RSU1: variants seen among roughly 807,000 people sequenced by gnomAD.
RSU1 encodes the protein Ras suppressor protein 1, also known as rsu-1.
RSU1 carries 26 observed loss-of-function variants against 31.1 expected under a neutral mutation model. The ratio of observed to expected loss-of-function variants is 0.84; its 90% CI spans 0.61 to 1.16. The LOEUF is 1.16. Among genes scored for constraint, RSU1 ranks in the 50% most tolerant of loss-of-function variants. The pLI is 0.00. For synonymous variants in RSU1, 164 were observed against 136.3 expected (o/e 1.20, Z -1.41); for missense variants, 320 against 339.1 (o/e 0.94, Z 0.44).
At chr10:16,635,977 T>C (rs12242999) in intron 8 of RSU1, among the ~76,000 whole-genome samples, 51,288 of 152,172 alleles carry the variant, frequency 0.34, 13,842 homozygotes, top group African/African-American at 0.76. Context: ...TCCAGGACAC[T>C]GCGCCCTCTC....
chr10:16,682,439 T>C (rs186077243), intron 8 of RSU1, among the ~76,000 whole-genome samples: 1 of 152,240 alleles, frequency 6.6e-6, no homozygotes, highest in Non-Finnish European at 1.5e-5. Context: ...AAAGATAATA[T>C]TGATTCTTGC....
chr10:16,814,764 A>C (rs1838491283), intron 2 of RSU1, among the ~76,000 whole-genome samples: 1 of 152,254 alleles, frequency 6.6e-6, no homozygotes, highest in Non-Finnish European at 1.5e-5. Flanking sequence ...CTACTTCTTT[A>C]GGAAAATTTA....
intron 7 of RSU1, among the ~76,000 whole-genome samples, chr10:16,717,698 A>G (rs533759657): frequency 1.2e-4 from 19 of 152,220 alleles, no homozygotes; most frequent in Middle Eastern, 6.3e-3. Flanking sequence ...GCACAGACCA[A>G]GGACATAAAC....
At chr10:16,725,150 G>A (rs921626697) in intron 7 of RSU1, among the ~76,000 whole-genome samples, 1 of 152,142 alleles carries the variant, frequency 6.6e-6, no homozygotes, top group African/African-American at 2.4e-5. Flanking sequence ...TGTTATATGC[G>A]CTTTTGTGTA....
At chr10:16,754,848 T>G (rs1233545584) in intron 5 of RSU1, 23 bp downstream of exon 5, 1 of 1,441,740 alleles carries the variant, frequency 6.9e-7, no homozygotes, top group Non-Finnish European at 9.7e-7. Context: ...TTGAGGAGAT[T>G]TATAGAATTG....
At chr10:16,753,021 T>C (rs767607042) in intron 5 of RSU1, 21 bp from the exon 6 acceptor site, 2 of 1,598,580 alleles carry the variant, frequency 1.3e-6, no homozygotes, top group Admixed American at 3.3e-5. Context: ...AACAGCAATA[T>C]ATAAACAGGG....
intron 2 of RSU1, among the ~76,000 whole-genome samples, chr10:16,803,814 G>A (rs900569199): frequency 1.3e-5 from 2 of 152,044 alleles, no homozygotes; most frequent in East Asian, 3.8e-4. Flanking sequence ...ACCTAACATC[G>A]TTCACAAAAA....
chr10:16,780,131 G>A (rs1588530300), intron 3 of RSU1, among the ~76,000 whole-genome samples: 1 of 152,134 alleles, frequency 6.6e-6, no homozygotes, highest in African/African-American at 2.4e-5. Context: ...AATGCCTGGA[G>A]GAAGAAACTG....
chr10:16,783,364 C>CTTTTTTTTT (rs57270890), intron 2 of RSU1, among the ~76,000 whole-genome samples: 1,673 of 131,834 alleles, frequency 0.013, 68 homozygotes, highest in East Asian at 0.076. Context: ...ACAACTTTTG[C>CTTTTTTTTT]TTTTTTTTTT....
intron 2 of RSU1, among the ~76,000 whole-genome samples, chr10:16,798,411 C>T (rs1291468242): frequency 6.6e-6 from 1 of 152,264 alleles, no homozygotes; most frequent in East Asian, 1.9e-4. Flanking sequence ...AAGGGAGAGA[C>T]CGGGTGGAGA....
At chr10:16,796,583 C>G (rs1220961232) in intron 2 of RSU1, among the ~76,000 whole-genome samples, 2 of 152,170 alleles carry the variant, frequency 1.3e-5, no homozygotes, top group African/African-American at 4.8e-5. Flanking sequence ...TGCCACTGCT[C>G]AACAAGTATG....
intron 7 of RSU1, among the ~76,000 whole-genome samples, chr10:16,741,708 T>C (rs893516230): frequency 2.0e-5 from 3 of 152,248 alleles, no homozygotes; most frequent in African/African-American, 2.4e-5. Context: ...AGGCATACAA[T>C]CCACTCTGTA....
intron 8 of RSU1, among the ~76,000 whole-genome samples, chr10:16,638,441 A>G (rs1348980918): frequency 1.3e-5 from 2 of 152,314 alleles, no homozygotes; most frequent in East Asian, 3.9e-4. Context: ...TATGAGTTCA[A>G]AAAAAATCCT....
intron 7 of RSU1, among the ~76,000 whole-genome samples, chr10:16,709,513 C>T (rs1239459368): frequency 2.0e-5 from 3 of 152,182 alleles, no homozygotes; most frequent in Non-Finnish European, 2.9e-5. Flanking sequence ...ATATACCCAG[C>T]AATGGGATGG....
intron 7 of RSU1, among the ~76,000 whole-genome samples, chr10:16,699,028 A>G (rs1216878990): frequency 2.0e-5 from 3 of 152,240 alleles, no homozygotes; most frequent in Admixed American, 6.5e-5. Flanking sequence ...TGGGGAAAAA[A>G]AAGAAAAGAA....
chr10:16,713,676 A>G (rs948991254), intron 7 of RSU1, among the ~76,000 whole-genome samples: 1 of 152,176 alleles, frequency 6.6e-6, no homozygotes, highest in African/African-American at 2.4e-5. Context: ...CAGGCATTTC[A>G]TAAATGTCCT....
chr10:16,768,522 A>G (rs973017608), intron 3 of RSU1, among the ~76,000 whole-genome samples: 13 of 152,142 alleles, frequency 8.5e-5, no homozygotes, highest in African/African-American at 2.4e-4. Context: ...TGGCTCCTCA[A>G]TGTCCCATTT....
chr10:16,691,554 A>G (rs1835550478), intron 8 of RSU1, among the ~76,000 whole-genome samples: 1 of 151,910 alleles, frequency 6.6e-6, no homozygotes, highest in African/African-American at 2.4e-5. Context: ...CTTCCCAAGG[A>G]GGACAGAAGA....
At chr10:16,769,506 T>C (rs546186492) in intron 3 of RSU1, among the ~76,000 whole-genome samples, 66 of 152,328 alleles carry the variant, frequency 4.3e-4, no homozygotes, top group Non-Finnish European at 7.6e-4. Context: ...CCCTACCCGA[T>C]GGCAGTGGGT....
Sources: allele counts gnomAD v4.1 joint callset (sites outside exome capture counted in the v4.1 genomes callset), GRCh38; gene constraint gnomAD v4.1.1; transcripts MANE v1.5; gene names NCBI Gene and HGNC (gene_info 2026-07-23, HGNC 2026-07-21).